Variants in TTLL5 observed in about 807,000 individuals in gnomAD.
TTLL5 encodes tubulin polyglutamylase TTLL5.
A neutral mutation model predicts 168.4 loss-of-function variants in TTLL5; 132 were observed. The ratio of observed to expected loss-of-function variants is 0.78; its 90% CI spans 0.68 to 0.91. The LOEUF (loss-of-function observed/expected upper bound fraction) is 0.91. Among genes scored for constraint, TTLL5 ranks in the 40% least tolerant of loss-of-function variants. TTLL5 has a pLI of 0.00. For synonymous variants in TTLL5, 546 were observed against 558.6 expected, an observed-to-expected ratio of 0.98 and a Z score of 0.32; for missense variants, 1,545 against 1,581.5, an observed-to-expected ratio of 0.98 and a Z score of 0.39.
intron 31 of TTLL5, among the ~76,000 whole-genome samples, chr14:75,943,096 G>A (rs933771928): frequency 2.0e-5 from 3 of 152,152 alleles, no homozygotes; most frequent in Non-Finnish European, 2.9e-5. Context: ...AAAAAAAGGC[G>A]GTGTCGGGGA....
chr14:75,929,002 C>T (rs1450392804), intron 31 of TTLL5, among the ~76,000 whole-genome samples: 1 of 150,484 alleles, frequency 6.6e-6, no homozygotes, highest in African/African-American at 2.5e-5. Flanking sequence ...GCCCACCCTC[C>T]CCACCCCCAC....
chr14:75,801,922 C>G (rs189124601), intron 27 of TTLL5, among the ~76,000 whole-genome samples: 1 of 152,164 alleles, frequency 6.6e-6, no homozygotes, highest in African/African-American at 2.4e-5. Context: ...GAGAGTTCTG[C>G]TCTTCTCTCT....
Position 75,744,413 on chromosome 14 carries a change from C to A in TTLL5, c.1282-682C>A, listed in dbSNP as rs1889469185. On this transcript the variant is annotated intron_variant, in intron 15 of 31. Transcript: ENST00000298832. ...CATCATCATGTAGAAGCTGAAATAGCCAAGATCCTCTTCTGGGATCAGTGA... is the reference window on the plus strand; with the variant it reads ...CATCATCATGTAGAAGCTGAAATAGACAAGATCCTCTTCTGGGATCAGTGA... 2 of 152,180 alleles carry A rather than the reference C, an allele frequency of 1.3e-5. 1 individual carries two copies. Among genetic ancestry groups the A allele is most frequent in the South Asian group, 4.1e-4 (2 of 4,822 alleles). 9.4% of individuals were successfully genotyped at this position (152,180 alleles called of 1,614,324 possible). A position where few individuals can be genotyped will look rare whatever the true frequency, so the allele number is the denominator to read the frequency against.
At chr14:75,749,149 A>G (rs1162186400) in intron 17 of TTLL5, among the ~76,000 whole-genome samples, 1 of 152,136 alleles carries the variant, frequency 6.6e-6, no homozygotes, top group African/African-American at 2.4e-5. Flanking sequence ...ATATATGTAT[A>G]TCTTTTGAAA....
Position 75,766,055 on chromosome 14 carries a change from T to A in TTLL5, c.1709-7T>A, listed in dbSNP as rs2359870. Reference sequence around the variant, plus strand: ...TTTCAGCAACATTAGTGATTCTTCGTATTTAGTGATTACCCAACCAGCTGA... The same window carrying A: ...TTTCAGCAACATTAGTGATTCTTCGAATTTAGTGATTACCCAACCAGCTGA... On this transcript the variant is annotated splice_region_variant and splice_polypyrimidine_tract_variant and intron_variant, in intron 19 of 31. Coordinates refer to ENST00000298832, the MANE Select transcript of TTLL5 (RefSeq NM_015072.5). 1.2e-6 allele frequency: 2 copies of A among 1,605,846 alleles called. No individual in the cohort carries two copies. The highest frequency in any genetic ancestry group is 2.7e-5 in the African/African-American group (2 of 74,452).
chr14:75,837,519 A>G (rs921615112), intron 28 of TTLL5: 5 of 152,182 alleles, frequency 3.3e-5, no homozygotes, highest in African/African-American at 7.2e-5. Context: ...ACATTGTGCA[A>G]TCATCACCAC....
At chr14:75,936,903 A>G (rs2034448874) in intron 31 of TTLL5, among the ~76,000 whole-genome samples, 2 of 152,252 alleles carry the variant, frequency 1.3e-5, no homozygotes, top group African/African-American at 4.8e-5. Context: ...AGACAAAAAT[A>G]GTAAATTTCC....
chr14:75,879,728 C>T (rs1595196024), intron 29 of TTLL5, among the ~76,000 whole-genome samples: 1 of 152,176 alleles, frequency 6.6e-6, no homozygotes, highest in South Asian at 2.1e-4. Context: ...CATTTGACCG[C>T]AAGCCATGTC....
intron 28 of TTLL5, among the ~76,000 whole-genome samples, chr14:75,861,115 A>G (rs2029946924): frequency 6.6e-6 from 1 of 152,160 alleles, no homozygotes; most frequent in Non-Finnish European, 1.5e-5. Context: ...AAAACTTAAT[A>G]GATAAGCTCT....
chr14:75,758,020 C>G (rs543543446), intron 18 of TTLL5, among the ~76,000 whole-genome samples: 5 of 152,258 alleles, frequency 3.3e-5, no homozygotes, highest in African/African-American at 1.2e-4. Flanking sequence ...AGTGTTTTGT[C>G]GCCACTTTTT....
intron 12 of TTLL5, among the ~76,000 whole-genome samples, chr14:75,723,171 C>T (rs1209633308): frequency 2.0e-5 from 3 of 152,090 alleles, no homozygotes; most frequent in Non-Finnish European, 4.4e-5. Context: ...CCCAGTCTGG[C>T]CTTGAACTCC....
chr14:75,682,360 G>A (rs1360719656), intron 4 of TTLL5, among the ~76,000 whole-genome samples: 2 of 152,132 alleles, frequency 1.3e-5, no homozygotes, highest in African/African-American at 2.4e-5. Context: ...GAAGGTCCCC[G>A]AGTGAAGGTC....
At chr14:75,773,927 TAGAGAG>T (rs1266575647) in intron 21 of TTLL5, among the ~76,000 whole-genome samples, 41 of 21,130 alleles carry the variant, frequency 1.9e-3, no homozygotes, top group East Asian at 0.017. Flanking sequence ...TATATATATA[TAGAGAG>T]AGAGAGAGAG....
chr14:75,807,626 T>G (rs756550980), intron 27 of TTLL5, among the ~76,000 whole-genome samples: 2 of 152,242 alleles, frequency 1.3e-5, no homozygotes, highest in Non-Finnish European at 2.9e-5. Context: ...GCTGGTAGGA[T>G]AAGTGACTCT....
intron 31 of TTLL5, among the ~76,000 whole-genome samples, chr14:75,914,693 G>A (rs916189051): frequency 2.1e-5 from 3 of 140,570 alleles, no homozygotes; most frequent in Non-Finnish European, 3.0e-5. Context: ...GCCCAATCTC[G>A]GCTCACTGCA....
intron 29 of TTLL5, among the ~76,000 whole-genome samples, chr14:75,872,036 A>T (rs1311957134): frequency 6.6e-6 from 1 of 152,370 alleles, no homozygotes; most frequent in Non-Finnish European, 1.5e-5. Context: ...TCTTATAAGT[A>T]CTAACAAATA....
rs148711818 is a variant in TTLL5, at chr14:75,872,784, G to A, written c.3522+8922G>A. ...AAATTAGCTGTGCGTGGTTGCGCAT[G>A]CCTGTAATCCCAGCTACTCAGGAGG... On this transcript the variant is annotated intron_variant, in intron 29 of 31. Coordinates refer to ENST00000298832, the MANE Select transcript of TTLL5 (RefSeq NM_015072.5). Among the ~76,000 whole-genome samples, 15 of 151,816 alleles carry A rather than the reference G, an allele frequency of 9.9e-5. No homozygotes were observed. In the East Asian group the frequency reaches 3.0e-3, roughly 30 times the overall value.
Position 75,710,812 on chromosome 14 carries a change from G to A in TTLL5, c.740+3105G>A, listed in dbSNP as rs886215550. 2.6e-5 allele frequency: 4 copies of A among 152,170 alleles called. 1 individual carries two copies. The highest frequency in any genetic ancestry group is 9.7e-5 in the African/African-American group (4 of 41,440). The allele number at this position is 152,170 out of a possible 1,614,324, so 9.4% of individuals were successfully genotyped here. A position where few individuals can be genotyped will look rare whatever the true frequency, so the allele number is the denominator to read the frequency against. The stretch of plus-strand genomic sequence containing the variant: ...TTATCTTGGGCCACATGTAATTTAT[G>A]TAGACATAACTGAAGATCATCAGTT... On this transcript the variant is annotated intron_variant, in intron 9 of 31. Transcript: ENST00000298832.
rs12590269 is a variant in TTLL5, at chr14:75,899,081, A to C, written c.3741-3061A>C. On this transcript the variant is annotated intron_variant, in intron 30 of 31. Transcript: ENST00000298832. The stretch of plus-strand genomic sequence containing the variant: ...CAGTATTGCTAAGTAAAAAATGACA[A>C]TACTACTACTAGTAATAGTTCATGT... 4.1e-3 allele frequency among the ~76,000 whole-genome samples: 627 copies of C among 152,348 alleles called. 3 individuals are homozygous for C. Among genetic ancestry groups the C allele is most frequent in the East Asian group, 0.015 (76 of 5,188 alleles).
Sources: gnomAD v4.1 joint callset for allele counts (sites outside exome capture counted in the v4.1 genomes callset) on GRCh38, gnomAD v4.1.1 for gene constraint, MANE v1.5 for transcripts, NCBI Gene and HGNC (gene_info 2026-07-23, HGNC 2026-07-21) for gene names.